Variants in DRC11 observed in about 807,000 individuals in gnomAD.
DRC11 encodes the protein IQ and AAA domain-containing protein 1.
the DRC11 span, among the ~76,000 whole-genome samples, chr2:236,373,164 T>C: frequency 6.6e-6 from 1 of 152,126 alleles, no homozygotes; most frequent in Non-Finnish European, 1.5e-5. Context: ...CCTTTATTTA[T>C]ATTTATTGAG....
chr2:236,336,348 G>A, the DRC11 span, among the ~76,000 whole-genome samples: 3 of 152,076 alleles, frequency 2.0e-5, no homozygotes, highest in African/African-American at 7.2e-5. This position sits in a 1 kb window ranked among gnomAD's most constrained non-coding sequence, Gnocchi z 7.3. Flanking sequence ...CGGTGCTCAC[G>A]TGATTGGAGA....
chr2:236,357,286 T>TTA, the DRC11 span, among the ~76,000 whole-genome samples: 2 of 111,372 alleles, frequency 1.8e-5, no homozygotes, highest in Non-Finnish European at 3.4e-5. Context: ...TATTATATAT[T>TTA]TATATATTAT....
the DRC11 span, among the ~76,000 whole-genome samples, chr2:236,347,228 G>T: frequency 6.6e-6 from 1 of 152,124 alleles, no homozygotes; most frequent in Non-Finnish European, 1.5e-5. Context: ...TTGCCACTAG[G>T]ATTTTATTTT....
At chr2:236,342,354 T>C in the DRC11 span, among the ~76,000 whole-genome samples, 1 of 152,202 alleles carries the variant, frequency 6.6e-6, no homozygotes, top group Non-Finnish European at 1.5e-5. The surrounding 1 kb of genome is among the most constrained non-coding windows in gnomAD (Gnocchi z 5.8). Context: ...AGGAGCAGGT[T>C]ACGATGCCTC....
At chr2:236,329,988 T>G in the DRC11 span, among the ~76,000 whole-genome samples, 1 of 152,134 alleles carries the variant, frequency 6.6e-6, no homozygotes, top group Non-Finnish European at 1.5e-5. Context: ...CGAGAAAGGA[T>G]AGGCTTCCAC....
the DRC11 span, chr2:236,344,570 T>G: frequency 1.3e-5 from 21 of 1,613,184 alleles, no homozygotes; most frequent in Non-Finnish European, 1.8e-5. Flanking sequence ...CTTTTCTGCG[T>G]TGGGAACTTT....
chr2:236,507,229 T>C, the DRC11 span: 11 of 1,613,392 alleles, frequency 6.8e-6, no homozygotes, highest in African/African-American at 1.2e-4. Context: ...GCCCACTCCA[T>C]GGCTGTGGCT....
the DRC11 span, among the ~76,000 whole-genome samples, chr2:236,400,190 C>T: frequency 5.3e-5 from 8 of 152,198 alleles, no homozygotes; most frequent in African/African-American, 7.2e-5. This position sits in a 1 kb window ranked among gnomAD's most constrained non-coding sequence, Gnocchi z 7.9. Flanking sequence ...TCCTTCCTCT[C>T]GCTACCTGCC....
At chr2:236,459,896 A>T in the DRC11 span, among the ~76,000 whole-genome samples, 3 of 152,186 alleles carry the variant, frequency 2.0e-5, no homozygotes, top group South Asian at 2.1e-4. Flanking sequence ...CTTAAAAAAC[A>T]ACCCCTTATG....
the DRC11 span, among the ~76,000 whole-genome samples, chr2:236,384,776 G>C: frequency 1.3e-4 from 19 of 151,522 alleles, no homozygotes; most frequent in Non-Finnish European, 2.9e-5. Flanking sequence ...TTTTCTTCTA[G>C]GGTTTTTATG....
chr2:236,453,478 C>T, the DRC11 span, among the ~76,000 whole-genome samples: 17 of 152,276 alleles, frequency 1.1e-4, no homozygotes, highest in Non-Finnish European at 2.2e-4. The surrounding 1 kb of genome is among the most constrained non-coding windows in gnomAD (Gnocchi z 4.9). Flanking sequence ...CTAGAACAAA[C>T]CGAATGGCTC....
At chr2:236,459,656 TATAC>T in the DRC11 span, among the ~76,000 whole-genome samples, 450 of 115,144 alleles carry the variant, frequency 3.9e-3, no homozygotes, top group Non-Finnish European at 4.6e-3. Flanking sequence ...TATATATGTA[TATAC>T]ATACGTATAT....
the DRC11 span, among the ~76,000 whole-genome samples, chr2:236,434,378 A>G: frequency 6.6e-6 from 1 of 152,184 alleles, no homozygotes; most frequent in Non-Finnish European, 1.5e-5. The surrounding 1 kb of genome is among the most constrained non-coding windows in gnomAD (Gnocchi z 5.5). Flanking sequence ...TACAATGACT[A>G]CTATTACTGC....
chr2:236,474,810 G>C, the DRC11 span, among the ~76,000 whole-genome samples: 1 of 151,728 alleles, frequency 6.6e-6, no homozygotes, highest in Admixed American at 6.6e-5. Flanking sequence ...TACTTTTTTT[G>C]TTTTGTAAAA....
At chr2:236,419,198 T>G in the DRC11 span, 1 of 1,545,760 alleles carries the variant, frequency 6.5e-7, no homozygotes, top group Non-Finnish European at 8.7e-7. The surrounding 1 kb of genome is among the most constrained non-coding windows in gnomAD (Gnocchi z 4.8). Flanking sequence ...TTTCTTGGGT[T>G]GTTTTTCCTT....
chr2:236,341,166 C>G, the DRC11 span, among the ~76,000 whole-genome samples: 5 of 152,226 alleles, frequency 3.3e-5, no homozygotes, highest in Non-Finnish European at 5.9e-5. Flanking sequence ...CCACAGCCAG[C>G]CCCAAGAAAG....
chr2:236,398,507 A>G, the DRC11 span, among the ~76,000 whole-genome samples: 2 of 152,232 alleles, frequency 1.3e-5, no homozygotes, highest in Non-Finnish European at 2.9e-5. This position sits in a 1 kb window ranked among gnomAD's most constrained non-coding sequence, Gnocchi z 6.2. Flanking sequence ...AATGACTGCC[A>G]TTTGGAAAGA....
At chr2:236,360,682 T>C in the DRC11 span, among the ~76,000 whole-genome samples, 2 of 152,114 alleles carry the variant, frequency 1.3e-5, no homozygotes, top group East Asian at 3.8e-4. This position sits in a 1 kb window ranked among gnomAD's most constrained non-coding sequence, Gnocchi z 5.8. Context: ...GGGGAAAGAT[T>C]CCAAGCTCAG....
chr2:236,338,431 A>G, the DRC11 span: 4 of 1,531,046 alleles, frequency 2.6e-6, no homozygotes, highest in Non-Finnish European at 3.5e-6. Context: ...AAAAGAATGA[A>G]AAAATGAAAG....
Sources: gnomAD v4.1 joint callset for allele counts (sites outside exome capture counted in the v4.1 genomes callset) on GRCh38, gnomAD v4.1.1 for gene constraint, Gnocchi (gnomAD v3.1) non-coding constraint, MANE v1.5 for transcripts, NCBI Gene and HGNC (gene_info 2026-07-23, HGNC 2026-07-21) for gene names.